The following CALCRL variants were observed in gnomAD, a reference collection of about 807,000 sequenced individuals.
CALCRL encodes calcitonin gene-related peptide type 1 receptor.
A neutral mutation model predicts 60.4 loss-of-function variants in CALCRL; 27 were observed. That is an observed-to-expected ratio of 0.45 (90% confidence interval 0.33 to 0.62). The LOEUF is 0.62. Among genes scored for constraint, CALCRL ranks in the 20% least tolerant of loss-of-function variants. CALCRL has a pLI of 0.03. For synonymous variants in CALCRL, 190 were observed against 182.6 expected, an observed-to-expected ratio of 1.04 and a Z score of -0.33; for missense variants, 424 against 540.7, an observed-to-expected ratio of 0.78 and a Z score of 2.14.
At chr2:187,446,751 C>A (rs1691206440) in intron 1 of CALCRL, among the ~76,000 whole-genome samples, 1 of 151,708 alleles carries the variant, frequency 6.6e-6, no homozygotes, top group South Asian at 2.1e-4. Context: ...AGAGAGAAAT[C>A]AGCCATGATA....
intron 8 of CALCRL, 78 bp from the exon 9 acceptor site, chr2:187,363,580 C>G: frequency 2.2e-6 from 3 of 1,344,924 alleles, no homozygotes; most frequent in East Asian, 2.6e-5. Context: ...AGATACATTC[C>G]CAATTCATAG....
intron 3 of CALCRL, 43 bp from the exon 4 acceptor site, chr2:187,385,674 G>A: frequency 1.1e-6 from 1 of 945,612 alleles, no homozygotes; most frequent in Non-Finnish European, 1.6e-6. Flanking sequence ...CAATATTTAT[G>A]AAATAAATGC....
intron 1 of CALCRL, among the ~76,000 whole-genome samples, chr2:187,422,849 T>A (rs1162798540): frequency 6.6e-6 from 1 of 152,004 alleles, no homozygotes; most frequent in African/African-American, 2.4e-5. Flanking sequence ...TTCTTTTAAC[T>A]TTCTTGCTTC....
intron 9 of CALCRL, among the ~76,000 whole-genome samples, chr2:187,362,055 C>T (rs955311476): frequency 7.9e-5 from 12 of 151,916 alleles, no homozygotes; most frequent in East Asian, 3.9e-4. Flanking sequence ...ATATTTAATT[C>T]GGCTTCTAAT....
rs543416353 is a variant in CALCRL at position 187,447,308 on chromosome 2, G to GTAT, written c.-293+728_-293+730dup. 6.0e-3 allele frequency among the ~76,000 whole-genome samples: 917 copies of GTAT among 151,736 alleles called. 12 individuals carry two copies. Among genetic ancestry groups the GTAT allele is most frequent in the African/African-American group, 0.021 (882 of 41,448 alleles). ...GCAGAGGGGAACCAGTCAAGTTGAA[G>GTAT]TATTCTCTTAAAGATTTCAAAATTA... On this transcript the variant is annotated intron_variant, in intron 1 of 14. Transcript: ENST00000392370.
At chr2:187,423,865 T>A (rs1397843148) in intron 1 of CALCRL, among the ~76,000 whole-genome samples, 2 of 152,052 alleles carry the variant, frequency 1.3e-5, no homozygotes, top group African/African-American at 4.8e-5. Flanking sequence ...CCCTGTGTGA[T>A]ACAAAAAATA....
chr2:187,421,064 C>T (rs1346606929), intron 1 of CALCRL, among the ~76,000 whole-genome samples: 4 of 152,142 alleles, frequency 2.6e-5, no homozygotes, highest in African/African-American at 9.7e-5. Flanking sequence ...GCAGCAAGAC[C>T]TCCCACGTGG....
intron 1 of CALCRL, among the ~76,000 whole-genome samples, chr2:187,421,327 C>T (rs562248261): frequency 7.0e-4 from 107 of 152,076 alleles, no homozygotes; most frequent in Non-Finnish European, 1.3e-3. Context: ...CCTCAGAAGC[C>T]TCTCGATATC....
intron 9 of CALCRL, 97 bp downstream of exon 9, chr2:187,363,279 A>G (rs1211313309): frequency 1.2e-5 from 14 of 1,144,180 alleles, no homozygotes; most frequent in Non-Finnish European, 1.7e-5. Context: ...AAATATACAT[A>G]TATGTGTACT....
At chr2:187,419,967 TACTGACA>T (rs1388653107) in intron 1 of CALCRL, among the ~76,000 whole-genome samples, 2 of 152,334 alleles carry the variant, frequency 1.3e-5, no homozygotes, top group East Asian at 3.9e-4. Flanking sequence ...CTGGCTCATA[TACTGACA>T]ACCTCTGTTT....
chr2:187,435,892 G>GTGTGTGTA (rs1559079082), intron 1 of CALCRL, among the ~76,000 whole-genome samples: 1 of 151,464 alleles, frequency 6.6e-6, no homozygotes, highest in South Asian at 2.1e-4. Flanking sequence ...GTGTGTGTGT[G>GTGTGTGTA]TGTATTTACC....
At chr2:187,378,814 C>A in intron 8 of CALCRL, 126 bp downstream of exon 8, 1 of 558,278 alleles carries the variant, frequency 1.8e-6, no homozygotes, top group Non-Finnish European at 3.1e-6. Context: ...CTTATTTCAA[C>A]TTATTTTAAA....
chr2:187,355,314 A>G (rs1333381600), intron 12 of CALCRL, among the ~76,000 whole-genome samples: 1 of 152,084 alleles, frequency 6.6e-6, no homozygotes, highest in Admixed American at 6.6e-5. Flanking sequence ...AGGCAGTCTC[A>G]GGGTACAACT....
chr2:187,445,895 A>G (rs186522938), intron 1 of CALCRL, among the ~76,000 whole-genome samples: 73 of 151,734 alleles, frequency 4.8e-4, no homozygotes, highest in Middle Eastern at 6.8e-3. Flanking sequence ...TTTTAAAATT[A>G]CAGACCCAGT....
chr2:187,410,028 C>T (rs987636534), intron 1 of CALCRL, among the ~76,000 whole-genome samples: 1 of 152,100 alleles, frequency 6.6e-6, no homozygotes, highest in African/African-American at 2.4e-5. Flanking sequence ...CACTGGCAAA[C>T]CTGTGTTTTC....
At chr2:187,392,994 C>G (rs888604247) in intron 1 of CALCRL, among the ~76,000 whole-genome samples, 2 of 152,140 alleles carry the variant, frequency 1.3e-5, no homozygotes, top group Non-Finnish European at 2.9e-5. Context: ...AGAAGCTTTA[C>G]TTTCCTGAAG....
intron 1 of CALCRL, among the ~76,000 whole-genome samples, chr2:187,425,014 T>G (rs1690059783): frequency 6.6e-6 from 1 of 151,964 alleles, no homozygotes; most frequent in South Asian, 2.1e-4. Flanking sequence ...CTGCATTGAC[T>G]ATTAGAATTA....
chr2:187,415,667 A>T (rs1235709008), intron 1 of CALCRL: 4 of 617,928 alleles, frequency 6.5e-6, no homozygotes, highest in African/African-American at 3.8e-5. Flanking sequence ...ATTCTGGGCT[A>T]CACTGAGCAC....
intron 8 of CALCRL, among the ~76,000 whole-genome samples, chr2:187,370,271 T>A (rs146207626): frequency 6.6e-6 from 1 of 152,274 alleles, no homozygotes; most frequent in African/African-American, 2.4e-5. Context: ...TTCTCATATA[T>A]GTCTGTGGGT....
Sources: allele counts gnomAD v4.1 joint callset (sites outside exome capture counted in the v4.1 genomes callset), GRCh38; gene constraint gnomAD v4.1.1; transcripts MANE v1.5; gene names NCBI Gene and HGNC (gene_info 2026-07-23, HGNC 2026-07-21).